TAFA5: variants seen among roughly 807,000 people sequenced by gnomAD.
TAFA5 encodes chemokine-like protein TAFA-5.
Under a neutral mutation model 15.3 loss-of-function variants are expected in TAFA5, and 6 were observed. The ratio of observed to expected loss-of-function variants is 0.39; its 90% CI spans 0.21 to 0.77. TAFA5 has a LOEUF of 0.77. Ranked by LOEUF, TAFA5 falls within the 30% of genes least tolerant of loss-of-function variation. TAFA5 has a pLI of 0.41. For missense variants in TAFA5, 161 were observed against 193.1 expected (o/e 0.83, Z 0.98); for synonymous variants, 103 against 80.7 (o/e 1.28, Z -1.48).
At chr22:48,642,179 C>T (rs954508865) in intron 1 of TAFA5, among the ~76,000 whole-genome samples, 4 of 151,924 alleles carry the variant, frequency 2.6e-5, no homozygotes, top group Non-Finnish European at 4.4e-5. Context: ...CCTGGTGGAG[C>T]GGCCTGCGCT....
In TAFA5 at chr22:48,697,847, C is replaced by A. The variant is rs370553112; in HGVS notation, c.263-9870C>A. Among the ~76,000 whole-genome samples the A allele has an allele frequency of 4.7e-4, 68 of 145,378 alleles. No homozygotes were observed. In the South Asian group the frequency reaches 0.015, roughly 32 times the overall value. On this transcript the variant is annotated intron_variant, in intron 2 of 3. Transcript: ENST00000402357. ...GGTGATGTTGGTGATAGTGAGGATA[C>A]CGGTGGTGGTTATGATGATGATGGT...
Position 48,575,929 on chromosome 22 carries a change from GGGCGGCGGAGGAGGCGGC to G in TAFA5, c.113-70655_113-70638del, listed in dbSNP as rs1192978310. Among the ~76,000 whole-genome samples, 18 of 143,554 alleles carry G rather than the reference GGGCGGCGGAGGAGGCGGC, an allele frequency of 1.3e-4. No individual in the cohort carries two copies. In the South Asian group the frequency reaches 1.3e-3, roughly 10 times the overall value. The allele number at this position is 143,554 out of a possible 152,430, so 94.2% of individuals were successfully genotyped here. ...CTGAGCCCCGGGCCGGAGCGAGCGC[GGGCGGCGGAGGAGGCGGC>G]GGCGGCGGAGGAAGAGGAGGAGGAG... On this transcript the variant is annotated intron_variant, in intron 1 of 3. Coordinates refer to ENST00000402357, the MANE Select transcript of TAFA5 (RefSeq NM_001082967.3).
chr22:48,646,622 G>A lies in TAFA5; in HGVS notation c.138G>A (p.Glu46=). ...GTCAGCTGGCCGCCGGCACCTGTGA[G>A]ATTGTGACCTTGGACCGGGACAGCA... ...YCSQLAAGTC[E]IVTLDRDSSQ... Residue 46 remains glutamate (E), a synonymous_variant, in exon 2 of 4, where the codon GAG becomes GAA. Coordinates refer to ENST00000402357, the MANE Select transcript of TAFA5 (RefSeq NM_001082967.3). 1 of 1,612,586 alleles carries A rather than the reference G, an allele frequency of 6.2e-7. No homozygotes were observed. The highest frequency in any genetic ancestry group is 8.5e-7 in the Non-Finnish European group (1 of 1,179,734).
intron 1 of TAFA5, among the ~76,000 whole-genome samples, chr22:48,575,721 G>T (rs939199541): frequency 1.4e-5 from 2 of 145,476 alleles, no homozygotes; most frequent in Non-Finnish European, 3.1e-5. Flanking sequence ...CGCAGAGGCC[G>T]GCACCGTCCG....
intron 1 of TAFA5, among the ~76,000 whole-genome samples, chr22:48,537,916 C>T (rs545993431): frequency 3.9e-4 from 60 of 152,118 alleles, no homozygotes; most frequent in Non-Finnish European, 7.6e-4. Flanking sequence ...GAGGGGGTGG[C>T]AGGGGCACGA....
At chr22:48,553,494 TGG>T (rs777660080) in intron 1 of TAFA5, among the ~76,000 whole-genome samples, 1 of 152,090 alleles carries the variant, frequency 6.6e-6, no homozygotes, top group Non-Finnish European at 1.5e-5. Context: ...GATGGGGTCA[TGG>T]GGAGACCTGC....
At chr22:48,606,725 A>G (rs1327742943) in intron 1 of TAFA5, among the ~76,000 whole-genome samples, 1 of 152,038 alleles carries the variant, frequency 6.6e-6, no homozygotes, top group Admixed American at 6.6e-5. Flanking sequence ...GCTGCTTAGG[A>G]GTGCCGCGTG....
Position 48,607,532 on chromosome 22 carries a change from G to A in TAFA5, c.113-39065G>A, listed in dbSNP as rs1303943403. Among the ~76,000 whole-genome samples, 11 of 117,648 alleles carry A rather than the reference G, an allele frequency of 9.3e-5. 2 individuals carry two copies. The highest frequency in any genetic ancestry group is 1.4e-4 in the African/African-American group (4 of 28,058). 77.2% of individuals were successfully genotyped at this position (117,648 alleles called of 152,430 possible). A position where few individuals can be genotyped will look rare whatever the true frequency, so the allele number is the denominator to read the frequency against. ...TCCCAGGTACCTCAGCCTGGAGCAG[G>A]TCTGTCCTGGGTTCTGATTAGGCCT... is the stretch of plus-strand genomic sequence containing the variant. On this transcript the variant is annotated intron_variant, in intron 1 of 3. Coordinates refer to ENST00000402357, the MANE Select transcript of TAFA5 (RefSeq NM_001082967.3).
intron 1 of TAFA5, among the ~76,000 whole-genome samples, chr22:48,628,787 C>T (rs1020745837): frequency 3.3e-5 from 5 of 152,238 alleles, no homozygotes; most frequent in Non-Finnish European, 5.9e-5. Context: ...AACAGCTCCG[C>T]GGCCACCAAC....
At chr22:48,538,537 G>A (rs184988081) in intron 1 of TAFA5, among the ~76,000 whole-genome samples, 142 of 152,330 alleles carry the variant, frequency 9.3e-4, no homozygotes, top group African/African-American at 3.2e-3. Flanking sequence ...TCCCTGCACT[G>A]GTGCTGCCTG....
chr22:48,500,178 G>A (rs1208349104), intron 1 of TAFA5, among the ~76,000 whole-genome samples: 1 of 152,166 alleles, frequency 6.6e-6, no homozygotes, highest in South Asian at 2.1e-4. Context: ...GAGGTGACGC[G>A]GCAGGGTTGT....
At chr22:48,653,898 TTGC>T (rs57664065) in intron 2 of TAFA5, among the ~76,000 whole-genome samples, 97,942 of 151,384 alleles carry the variant, frequency 0.65, 32,428 homozygotes, top group South Asian at 0.77. Flanking sequence ...GGTAGATAAG[TTGC>T]TGATTTTTGA....
chr22:48,621,238 C>A (rs1925826993), intron 1 of TAFA5, among the ~76,000 whole-genome samples: 1 of 134,634 alleles, frequency 7.4e-6, no homozygotes, highest in Admixed American at 7.7e-5. Context: ...CACACCAATT[C>A]TATCCATCTA....
intron 2 of TAFA5, among the ~76,000 whole-genome samples, chr22:48,699,532 TC>T (rs1338283362): frequency 6.6e-6 from 1 of 152,122 alleles, no homozygotes; most frequent in Non-Finnish European, 1.5e-5. Flanking sequence ...TTCCCCGCGT[TC>T]CGTTCAGTGA....
chr22:48,616,237 T>C (rs1925598963), intron 1 of TAFA5, among the ~76,000 whole-genome samples: 1 of 152,084 alleles, frequency 6.6e-6, no homozygotes, highest in African/African-American at 2.4e-5. Context: ...CTGCAGGCTT[T>C]GAATGGGAAG....
intron 3 of TAFA5, among the ~76,000 whole-genome samples, chr22:48,712,713 C>T (rs977618383): frequency 1.3e-5 from 2 of 152,152 alleles, no homozygotes; most frequent in East Asian, 1.9e-4. Flanking sequence ...CAGGTTCTCC[C>T]GAGGTGTGAG....
intron 2 of TAFA5, among the ~76,000 whole-genome samples, chr22:48,678,114 T>C (rs1928033606): frequency 6.6e-6 from 1 of 152,222 alleles, no homozygotes; most frequent in South Asian, 2.1e-4. Context: ...CTGGTCCTCC[T>C]GAGCCGCCTC....
At position 48,569,089 on chromosome 22, in the gene TAFA5, T is replaced by TGGCCTCCTACACAGCCGC. The variant is rs552834558; in HGVS notation, c.113-77507_113-77490dup. 1.1e-3 allele frequency among the ~76,000 whole-genome samples: 168 copies of TGGCCTCCTACACAGCCGC among 152,272 alleles called. 4 individuals are homozygous for TGGCCTCCTACACAGCCGC. In the East Asian group the frequency reaches 0.028, roughly 26 times the overall value. ...GAACCACAGGAACCCTCACTGGCCG[T>TGGCCTCCTACACAGCCGC]GGCCTCCTACACAGCCGCCTCCCCT... On this transcript the variant is annotated intron_variant, in intron 1 of 3. Coordinates refer to ENST00000402357, the MANE Select transcript of TAFA5 (RefSeq NM_001082967.3).
At chr22:48,620,247 G>T (rs1274796556) in intron 1 of TAFA5, among the ~76,000 whole-genome samples, 1 of 151,992 alleles carries the variant, frequency 6.6e-6, no homozygotes, top group Non-Finnish European at 1.5e-5. Context: ...CCTCCACAGG[G>T]CCTGCAGCGT....
Sources: allele counts gnomAD v4.1 joint callset (sites outside exome capture counted in the v4.1 genomes callset), GRCh38; gene constraint gnomAD v4.1.1; transcripts MANE v1.5; gene names NCBI Gene and HGNC (gene_info 2026-07-23, HGNC 2026-07-21).